The following SNTG2 variants were observed in gnomAD, a reference collection of about 807,000 sequenced individuals.
The protein encoded by SNTG2 is syntrophin gamma 2.
Under a neutral mutation model 70.9 loss-of-function variants are expected in SNTG2, and 74 were observed. That is an observed-to-expected ratio of 1.04 (90% CI 0.86 to 1.27). The LOEUF (loss-of-function observed/expected upper bound fraction) is 1.27, where lower values mean the gene tolerates loss of function less well. SNTG2 is among the 50% of genes most tolerant of loss of function. SNTG2 has a pLI of 0.00. For synonymous variants in SNTG2, 278 were observed against 273.8 expected (o/e 1.02, Z -0.15); for missense variants, 717 against 690.7 (o/e 1.04, Z -0.43).
intron 2 of SNTG2, among the ~76,000 whole-genome samples, chr2:1,093,096 GGTAA>G (rs1665140032): frequency 6.6e-6 from 1 of 152,136 alleles, no homozygotes; most frequent in South Asian, 2.1e-4. Flanking sequence ...CCCTGAGTAT[GGTAA>G]GTGAGGAGGC....
intron 11 of SNTG2, 35 bp downstream of exon 11, chr2:1,239,811 C>T (rs758099104): frequency 5.6e-6 from 9 of 1,605,658 alleles, no homozygotes; most frequent in Non-Finnish European, 7.7e-6. Flanking sequence ...TGATGTAACA[C>T]ATCAGGTAGG....
At chr2:1,360,575 AT>A (rs561525624) in intron 16 of SNTG2, among the ~76,000 whole-genome samples, 2 of 151,948 alleles carry the variant, frequency 1.3e-5, no homozygotes, top group South Asian at 4.2e-4. Flanking sequence ...TGCCTTTTCT[AT>A]TTCCCTTATA....
intron 1 of SNTG2, among the ~76,000 whole-genome samples, chr2:1,076,498 G>C (rs945564244): frequency 1.3e-5 from 2 of 152,170 alleles, no homozygotes; most frequent in African/African-American, 4.8e-5. Context: ...GTCACACTTT[G>C]AATCTATAGA....
intron 1 of SNTG2, among the ~76,000 whole-genome samples, chr2:1,059,706 T>A (rs1662691109): frequency 6.6e-6 from 1 of 152,138 alleles, no homozygotes; most frequent in African/African-American, 2.4e-5. Flanking sequence ...ACATGAATAA[T>A]CTTAGACAAA....
At chr2:1,358,264 C>T (rs1660957995) in intron 16 of SNTG2, among the ~76,000 whole-genome samples, 5 of 152,220 alleles carry the variant, frequency 3.3e-5, no homozygotes, top group African/African-American at 1.2e-4. Flanking sequence ...AACATTCAGT[C>T]CGTAACATTA....
rs573524791 is a variant in SNTG2 at position 1,080,048 on chromosome 2, G to A, written c.73-3470G>A. On this transcript the variant is annotated intron_variant, in intron 1 of 16. Transcript: ENST00000308624. ...CCGGGTCCTGCTCCTTATTAGTGCC[G>A]CCCCTGAGGTCCTCCATGAGAGCCC... Among the ~76,000 whole-genome samples the A allele has an allele frequency of 4.6e-5, 7 of 152,268 alleles. No individual in the cohort carries two copies. In the East Asian group the frequency reaches 9.7e-4, roughly 21 times the overall value.
intron 16 of SNTG2, among the ~76,000 whole-genome samples, chr2:1,326,733 G>A (rs1004231295): frequency 6.6e-6 from 1 of 152,014 alleles, no homozygotes; most frequent in African/African-American, 2.4e-5. Flanking sequence ...TAATGCTGAA[G>A]CAAATTTTAA....
intron 4 of SNTG2, among the ~76,000 whole-genome samples, chr2:1,101,665 C>T (rs1000435789): frequency 2.0e-5 from 3 of 152,186 alleles, no homozygotes; most frequent in Non-Finnish European, 4.4e-5. Flanking sequence ...CCCTCTACCC[C>T]ACGGAGCACA....
At chr2:1,242,800 A>G (rs1361118444) in intron 11 of SNTG2, 1 of 152,188 alleles carries the variant, frequency 6.6e-6, no homozygotes, top group Non-Finnish European at 1.5e-5. Flanking sequence ...ATCTTGACTG[A>G]TGGGGTGAAA....
At chr2:956,030 GGCCCCT>G (rs74164481) in intron 1 of SNTG2, among the ~76,000 whole-genome samples, 25,158 of 125,528 alleles carry the variant, frequency 0.2, 2,693 homozygotes, top group Non-Finnish European at 0.25. Context: ...TGACTGTGCT[GGCCCCT>G]GCCCCTGCCC....
At chr2:1,047,486 T>G (rs1661805320) in intron 1 of SNTG2, among the ~76,000 whole-genome samples, 1 of 152,244 alleles carries the variant, frequency 6.6e-6, no homozygotes, top group Admixed American at 6.5e-5. Context: ...GTGAGATGTG[T>G]GCTGATACTC....
chr2:1,287,112 C>T (rs1432693241), intron 14 of SNTG2, among the ~76,000 whole-genome samples: 1 of 152,214 alleles, frequency 6.6e-6, no homozygotes, highest in African/African-American at 2.4e-5. Flanking sequence ...TTTGCTCACT[C>T]TGTGCTTTTC....
chr2:1,080,975 C>T, intron 1 of SNTG2, among the ~76,000 whole-genome samples: 1 of 152,084 alleles, frequency 6.6e-6, no homozygotes, highest in African/African-American at 2.4e-5. Flanking sequence ...TGAGAGCTGT[C>T]AGTCATAGTA....
intron 1 of SNTG2, among the ~76,000 whole-genome samples, chr2:1,004,915 T>G (rs1361157338): frequency 6.6e-6 from 1 of 152,152 alleles, no homozygotes; most frequent in Non-Finnish European, 1.5e-5. Context: ...TGTATAATTG[T>G]CAAAAACTGG....
chr2:1,193,069 G>A (rs1351965884), intron 8 of SNTG2, among the ~76,000 whole-genome samples: 6 of 152,192 alleles, frequency 3.9e-5, no homozygotes, highest in Admixed American at 3.3e-4. Flanking sequence ...GGATGCCCGC[G>A]GCATGGCAGA....
At chr2:1,148,875 C>A (rs767931024) in intron 6 of SNTG2, among the ~76,000 whole-genome samples, 1 of 152,042 alleles carries the variant, frequency 6.6e-6, no homozygotes, top group Non-Finnish European at 1.5e-5. Context: ...CTGCAGGTGC[C>A]TCCTGCCCTG....
At chr2:1,001,161 C>T (rs1659381950) in intron 1 of SNTG2, among the ~76,000 whole-genome samples, 1 of 151,960 alleles carries the variant, frequency 6.6e-6, no homozygotes, top group Admixed American at 6.6e-5. Flanking sequence ...CAGTCAACAT[C>T]ATACTGAATG....
intron 6 of SNTG2, among the ~76,000 whole-genome samples, chr2:1,158,853 A>G (rs865857866): frequency 1.3e-5 from 2 of 152,318 alleles, no homozygotes; most frequent in Middle Eastern, 3.4e-3. Context: ...TACGGAGCAC[A>G]CCGGAAGACA....
intron 6 of SNTG2, among the ~76,000 whole-genome samples, chr2:1,152,503 G>GGT (rs1008255680): frequency 6.6e-6 from 1 of 152,128 alleles, no homozygotes. Context: ...GCGTATATTC[G>GGT]GTGTGTGTGT....
Sources: allele counts gnomAD v4.1 joint callset (sites outside exome capture counted in the v4.1 genomes callset), GRCh38; gene constraint gnomAD v4.1.1; transcripts MANE v1.5; gene names NCBI Gene and HGNC (gene_info 2026-07-23, HGNC 2026-07-21).